The following PTPRC variants were observed in gnomAD, a reference collection of about 807,000 sequenced individuals.
PTPRC encodes the protein receptor-type tyrosine-protein phosphatase C.
PTPRC carries 44 observed loss-of-function variants against 155.9 expected under a neutral mutation model. The observed-to-expected ratio is 0.28, with a 90% CI of 0.22 to 0.36. The LOEUF (loss-of-function observed/expected upper bound fraction) is 0.36, where lower values mean the gene tolerates loss of function less well. PTPRC is among the 10% of genes least tolerant of loss of function. The pLI, the probability that PTPRC is intolerant of heterozygous loss-of-function variation, is 1.00. For missense variants in PTPRC, 1,401 were observed against 1,564.6 expected (o/e 0.90, Z 1.76); for synonymous variants, 525 against 533.1 (o/e 0.98, Z 0.21).
chr1:198,696,974 CA>C, intron 4 of PTPRC, 65 bp downstream of exon 4: 5 of 1,366,032 alleles, frequency 3.7e-6, no homozygotes, highest in Non-Finnish European at 5.2e-6. Flanking sequence ...CTACAGTTAT[CA>C]GTACAACTTG....
At chr1:198,692,820 A>G in intron 3 of PTPRC, 1 of 904,626 alleles carries the variant, frequency 1.1e-6, no homozygotes, top group Non-Finnish European at 1.3e-6. Context: ...ATGGTATGCA[A>G]AACCTTTGAG....
In PTPRC at chr1:198,734,064, T is replaced by C. The variant is rs947659649; in HGVS notation, c.2143-132T>C. 8 of 866,580 alleles carry C rather than the reference T, an allele frequency of 9.2e-6. No homozygotes were observed. The African/African-American group carries it at 1.2e-4, about 13-fold the overall frequency. The allele number at this position is 866,580 out of a possible 1,614,324, so 53.7% of individuals were successfully genotyped here. On this transcript the variant is annotated intron_variant, in intron 20 of 32. Coordinates refer to ENST00000442510, the MANE Select transcript of PTPRC (RefSeq NM_002838.5). ...CAATTAATAAGATTCCCTTAATACT[T>C]TGAAACTGCCCAGAGAAATTCACAA...
intron 2 of PTPRC, among the ~76,000 whole-genome samples, chr1:198,686,358 CTAAA>C (rs1360804316): frequency 6.6e-6 from 1 of 151,854 alleles, no homozygotes; most frequent in Non-Finnish European, 1.5e-5. Flanking sequence ...ACTCCTTTGA[CTAAA>C]TAATGAAAAC....
At chr1:198,747,178 T>C (rs759538501) in intron 26 of PTPRC, among the ~76,000 whole-genome samples, 2 of 151,390 alleles carry the variant, frequency 1.3e-5, no homozygotes, top group African/African-American at 4.9e-5. Flanking sequence ...CCAGAAGAAA[T>C]TGGTATTTAA....
chr1:198,663,053 C>G (rs6692438), intron 2 of PTPRC, among the ~76,000 whole-genome samples: 2 of 152,076 alleles, frequency 1.3e-5, no homozygotes, highest in Admixed American at 6.5e-5. Context: ...GTACTTCCCA[C>G]GTCTCTTCAC....
At chr1:198,722,558 T>A in intron 15 of PTPRC, 82 bp downstream of exon 15, 1 of 782,022 alleles carries the variant, frequency 1.3e-6, no homozygotes, top group Non-Finnish European at 1.7e-6. Flanking sequence ...ACACTTATAA[T>A]CACATTTGAT....
Position 198,696,843 on chromosome 1 carries a change from C to A in PTPRC, c.232C>A (p.Pro78Thr), listed in dbSNP as rs1364776797. ...CTCAGAGACCACAACTTCTCTTAGT[C>A]CAGACAATACTTCCACCCAAGTATC... is the stretch of plus-strand genomic sequence containing the variant. ...DFSETTTSLS[P>T]DNTSTQVSPD... The change falls in exon 4 of 33, where the codon CCA (proline) becomes ACA (threonine). Residue 78 changes from proline (P) to threonine (T), a missense_variant. Physicochemically the swap from Pro to Thr is conservative, Grantham distance 38. Around this residue, in one of 3 missense-constraint regions of PTPRC, gnomAD observed 867 missense variants for 970.4 expected, o/e 0.89. Coordinates refer to ENST00000442510, the MANE Select transcript of PTPRC (RefSeq NM_002838.5). The A allele has an allele frequency of 6.2e-7, 1 of 1,613,938 alleles. No homozygotes were observed. The highest frequency in any genetic ancestry group is 1.3e-5 in the African/African-American group (1 of 74,914).
intron 32 of PTPRC, among the ~76,000 whole-genome samples, chr1:198,755,261 C>T (rs1655584932): frequency 6.6e-6 from 1 of 152,046 alleles, no homozygotes; most frequent in Admixed American, 6.6e-5. Flanking sequence ...TGTATACCCT[C>T]TATGTGGTAG....
chr1:198,718,418 A>G, intron 14 of PTPRC, 116 bp downstream of exon 14: 1 of 890,988 alleles, frequency 1.1e-6, no homozygotes. Context: ...TCTGATGTGT[A>G]ATGGAATCAC....
intron 2 of PTPRC, among the ~76,000 whole-genome samples, chr1:198,656,182 G>T (rs994196619): frequency 2.6e-5 from 4 of 151,996 alleles, no homozygotes; most frequent in Non-Finnish European, 4.4e-5. Flanking sequence ...TGTCCTGTAA[G>T]AGTTATCCAT....
At chr1:198,640,418 A>G (rs1662513076) in intron 2 of PTPRC, among the ~76,000 whole-genome samples, 2 of 151,974 alleles carry the variant, frequency 1.3e-5, no homozygotes, top group Admixed American at 1.3e-4. Flanking sequence ...CCTCTTGAGC[A>G]TGTTACATTG....
chr1:198,691,407 A>G (rs968442915), intron 2 of PTPRC, among the ~76,000 whole-genome samples: 1 of 151,800 alleles, frequency 6.6e-6, no homozygotes, highest in Non-Finnish European at 1.5e-5. Flanking sequence ...CTTTATTCTC[A>G]CTTGAAAGGA....
At chr1:198,711,225 A>T (rs1344228726) in intron 11 of PTPRC, among the ~76,000 whole-genome samples, 1 of 152,228 alleles carries the variant, frequency 6.6e-6, no homozygotes, top group East Asian at 1.9e-4. Context: ...AGCTACAAGA[A>T]CAGCAAATAA....
chr1:198,666,398 T>C (rs1664309059), intron 2 of PTPRC, among the ~76,000 whole-genome samples: 1 of 152,134 alleles, frequency 6.6e-6, no homozygotes, highest in South Asian at 2.1e-4. Context: ...AAAAGATTCT[T>C]TTAGTGATCA....
chr1:198,711,518 A>G (rs924699828), intron 11 of PTPRC, among the ~76,000 whole-genome samples: 2 of 152,202 alleles, frequency 1.3e-5, no homozygotes, highest in African/African-American at 2.4e-5. Flanking sequence ...TACTAAAGCT[A>G]TAATTTAAAA....
At position 198,709,743 on chromosome 1, in the gene PTPRC, G is replaced by A. The variant is rs781133917; in HGVS notation, c.1090G>A (p.Glu364Lys). ...IKLENLEPEHEYKCDSEILYN... is the reference protein window; with the variant it reads ...IKLENLEPEHKYKCDSEILYN... ...ATTAGAAAACCTTGAACCCGAACATGAGTATAAGTGTGACTCAGAAATACT... is the reference window on the plus strand; with the variant it reads ...ATTAGAAAACCTTGAACCCGAACATAAGTATAAGTGTGACTCAGAAATACT... Residue 364 changes from glutamate to lysine, a missense_variant, in exon 11 of 33, where the codon GAG (glutamate) becomes AAG (lysine). Transcript: ENST00000442510. 6.2e-7 allele frequency: 1 copy of A among 1,607,998 alleles called. No individual in the cohort carries two copies. The highest frequency in any genetic ancestry group is 1.1e-5 in the South Asian group (1 of 89,086).
intron 11 of PTPRC, among the ~76,000 whole-genome samples, chr1:198,711,166 A>G (rs903300276): frequency 6.6e-6 from 1 of 152,212 alleles, no homozygotes; most frequent in Non-Finnish European, 1.5e-5. Flanking sequence ...TGAAGGCTAA[A>G]GAGGCTGCCT....
intron 2 of PTPRC, among the ~76,000 whole-genome samples, chr1:198,667,499 C>A (rs934741443): frequency 6.6e-6 from 1 of 152,144 alleles, no homozygotes; most frequent in Non-Finnish European, 1.5e-5. Flanking sequence ...GTCAACTGGT[C>A]TGGCCAAGTG....
At chr1:198,755,748 A>G (rs1655615136) in intron 32 of PTPRC, among the ~76,000 whole-genome samples, 158 bp from the exon 33 acceptor site, 1 of 152,108 alleles carries the variant, frequency 6.6e-6, no homozygotes, top group South Asian at 2.1e-4. Context: ...TAAAGAAACT[A>G]AATTATTTAG....
Sources: allele counts gnomAD v4.1 joint callset (sites outside exome capture counted in the v4.1 genomes callset), GRCh38; gene constraint gnomAD v4.1.1; regional missense constraint gnomAD v4.1.1; transcripts MANE v1.5; gene names NCBI Gene and HGNC (gene_info 2026-07-23, HGNC 2026-07-21).